The following SLC24A1 variants were observed in gnomAD, a reference collection of about 807,000 sequenced individuals.
SLC24A1 encodes the protein sodium/potassium/calcium exchanger 1.
SLC24A1 carries 52 observed loss-of-function variants against 88.1 expected under a neutral mutation model. That is an observed-to-expected ratio of 0.59 (90% CI 0.47 to 0.74). SLC24A1 has a LOEUF of 0.74. SLC24A1 is among the 30% of genes least tolerant of loss of function. SLC24A1 has a pLI of 0.00. For synonymous variants in SLC24A1, 455 were observed against 498.0 expected, an observed-to-expected ratio of 0.91 and a Z score of 1.15; for missense variants, 1,173 against 1,363.3, an observed-to-expected ratio of 0.86 and a Z score of 2.20.
chr15:65,614,723 T>C (rs920075233), intron 2 of SLC24A1, among the ~76,000 whole-genome samples: 7 of 152,204 alleles, frequency 4.6e-5, no homozygotes, highest in African/African-American at 1.7e-4. Flanking sequence ...GCCTCTGCTC[T>C]GAAAATAGGG....
At chr15:65,652,895 C>T in intron 9 of SLC24A1, 87 bp downstream of exon 9, 6 of 1,091,654 alleles carry the variant, frequency 5.5e-6, no homozygotes, top group South Asian at 1.9e-5. Flanking sequence ...CTGCTTTATT[C>T]ATTATACATA....
At chr15:65,639,531 GCC>G in intron 3 of SLC24A1, 62 bp from the exon 4 acceptor site, 1 of 977,604 alleles carries the variant, frequency 1.0e-6, no homozygotes, top group Non-Finnish European at 1.6e-6. Context: ...GGTTAGTGAT[GCC>G]CTCGTGTGGT....
chr15:65,655,121 G>A lies in SLC24A1; in HGVS notation c.*1042G>A, dbSNP rs1239394510. The A allele has an allele frequency of 1.0e-6, 1 of 998,940 alleles. No homozygotes were observed. Among genetic ancestry groups the A allele is most frequent in the East Asian group, 1.1e-4 (1 of 8,998 alleles). The allele number at this position is 998,940 out of a possible 1,614,324, so 61.9% of individuals were successfully genotyped here. A position where few individuals can be genotyped will look rare whatever the true frequency, so the allele number is the denominator to read the frequency against. The stretch of plus-strand genomic sequence containing the variant: ...TTGTCTCCATCAGTGGTCACCTTGA[G>A]GGATTAGACATTCTAATGGAATGTC... On this transcript the variant is annotated 3_prime_UTR_variant, in exon 10 of 10. Transcript: ENST00000261892.
At chr15:65,644,581 G>A in intron 5 of SLC24A1, 68 bp downstream of exon 5, 1 of 1,174,752 alleles carries the variant, frequency 8.5e-7, no homozygotes, top group South Asian at 1.3e-5. Context: ...AGTGAGCTTG[G>A]CCTGGAGGCA....
At chr15:65,634,493 G>A (rs1252501023) in intron 2 of SLC24A1, among the ~76,000 whole-genome samples, 3 of 152,178 alleles carry the variant, frequency 2.0e-5, no homozygotes, top group African/African-American at 7.2e-5. Context: ...AAAGAGCAGG[G>A]AGAATGTTGT....
At chr15:65,659,324 T>TG (rs2075779595), downstream of SLC24A1, 1 of 59,604 alleles carries the variant, frequency 1.7e-5, no homozygotes, top group East Asian at 3.0e-4. Flanking sequence ...ATTTTCTGGT[T>TG]TTTTTTTTTT....
Position 65,650,729 on chromosome 15 carries a change from AGAG to A in SLC24A1, c.2586_2588del (p.Glu868del), listed in dbSNP as rs765893492. ...GGGGAAGTGATGGAGGGGATAGCGA[AGAG>A]GAGGAAGAGGAGGAGGAAGAGCAGG... On this transcript the variant is annotated inframe_deletion, in exon 7 of 10. Coordinates refer to ENST00000261892, the MANE Select transcript of SLC24A1 (RefSeq NM_004727.3). The surrounding 1 kb of genome is among the most constrained non-coding windows in gnomAD (Gnocchi z 4.1). 17 of 1,579,692 alleles carry A rather than the reference AGAG, an allele frequency of 1.1e-5. No homozygotes were observed. The South Asian group carries it at 2.0e-4, about 18-fold the overall frequency.
chr15:65,624,523 G>C lies in SLC24A1; in HGVS notation c.443G>C (p.Ser148Thr), dbSNP rs759036111. 6.2e-7 allele frequency: 1 copy of C among 1,603,516 alleles called. No individual in the cohort carries two copies. The highest frequency in any genetic ancestry group is 1.1e-5 in the South Asian group (1 of 89,554). Residue 148 changes from serine to threonine, a missense_variant, in exon 2 of 10, where the codon AGT (serine) becomes ACT (threonine). Ser to Thr is a moderately conservative substitution (Grantham distance 58). Transcript: ENST00000261892. ...ERRKEDTPTS[S>T]RTLTYYTSTS... is the part of the protein sequence containing the mutation. Reference sequence around the variant, plus strand: ...AGGAAGGAAGACACCCCAACATCCAGTAGAACACTGACTTACTACACCTCA... The same window carrying C: ...AGGAAGGAAGACACCCCAACATCCACTAGAACACTGACTTACTACACCTCA...
upstream of SLC24A1, among the ~76,000 whole-genome samples, chr15:65,617,660 T>C: frequency 6.6e-6 from 1 of 152,210 alleles, no homozygotes; most frequent in East Asian, 1.9e-4. Context: ...TATACAATCA[T>C]GTCATCTGCA....
At chr15:65,652,917 C>A in intron 9 of SLC24A1, 109 bp downstream of exon 9, 1 of 857,096 alleles carries the variant, frequency 1.2e-6, no homozygotes, top group South Asian at 2.9e-5. Context: ...AATAAAAGGG[C>A]ATTTATATTG....
intron 2 of SLC24A1, among the ~76,000 whole-genome samples, chr15:65,614,805 TAGG>T (rs1399773561): frequency 3.3e-5 from 5 of 152,034 alleles, no homozygotes; most frequent in African/African-American, 1.2e-4. Context: ...GGAAAGAAGA[TAGG>T]AGGGGAGTAA....
At chr15:65,623,824 T>G (rs1290835038) in intron 1 of SLC24A1, 131 bp from the exon 2 acceptor site, 7 of 417,412 alleles carry the variant, frequency 1.7e-5, no homozygotes, top group Non-Finnish European at 2.9e-5. Flanking sequence ...AGTAGTTTAC[T>G]CTTGCAAAGA....
At position 65,625,236 on chromosome 15, in the gene SLC24A1, A is replaced by G. The variant is rs1486364948; in HGVS notation, c.1156A>G (p.Lys386Glu). Residue 386 changes from lysine (K) to glutamate (E), a missense_variant, in exon 2 of 10, where the codon AAG (lysine) becomes GAG (glutamate). By Grantham distance (56) the Lys-to-Glu change is moderately conservative. Coordinates refer to ENST00000261892, the MANE Select transcript of SLC24A1 (RefSeq NM_004727.3). The part of the protein sequence containing the change: ...STSTTPTVRA[K>E]LTMQVHHCVV... ...CTCAACAACCCCTACGGTCAGGGCA[A>G]AGCTGACCATGCAGGTCCATCACTG... 1 of 1,613,840 alleles carries G rather than the reference A, an allele frequency of 6.2e-7. No individual in the cohort carries two copies. Among genetic ancestry groups the G allele is most frequent in the African/African-American group, 1.3e-5 (1 of 74,904 alleles).
At chr15:65,646,728 A>G (rs963826007) in intron 6 of SLC24A1, among the ~76,000 whole-genome samples, 1 of 152,220 alleles carries the variant, frequency 6.6e-6, no homozygotes, top group Non-Finnish European at 1.5e-5. Context: ...ATGTTGAGTG[A>G]CTGACAGTAA....
intron 2 of SLC24A1, among the ~76,000 whole-genome samples, chr15:65,637,119 AG>A (rs996812900): frequency 6.6e-6 from 1 of 152,090 alleles, no homozygotes; most frequent in Non-Finnish European, 1.5e-5. Flanking sequence ...TTAAAAAAAA[AG>A]TTCAAATGAT....
At position 65,654,695 on chromosome 15, in the gene SLC24A1, T is replaced by C. The variant is rs1012688123; in HGVS notation, c.*616T>C. 2 of 1,270,498 alleles carry C rather than the reference T, an allele frequency of 1.6e-6. No individual in the cohort carries two copies. Among genetic ancestry groups the C allele is most frequent in the African/African-American group, 1.6e-5 (1 of 64,408 alleles). The allele number at this position is 1,270,498 out of a possible 1,614,324, so 78.7% of individuals were successfully genotyped here. A position where few individuals can be genotyped will look rare whatever the true frequency, so the allele number is the denominator to read the frequency against. ...TTGTAGCCCACTGCATCTGGATATA[T>C]ACCAGTATTTTCTTTTTTTTTTTTT... On this transcript the variant is annotated 3_prime_UTR_variant, in exon 10 of 10. Transcript: ENST00000261892.
chr15:65,645,707 G>A lies in SLC24A1; in HGVS notation c.2232+4G>A, dbSNP rs2141660173. 3 of 1,563,876 alleles carry A rather than the reference G, an allele frequency of 1.9e-6. No individual in the cohort carries two copies. Among genetic ancestry groups the A allele is most frequent in the Non-Finnish European group, 2.6e-6 (3 of 1,153,410 alleles). On this transcript the variant is annotated splice_donor_region_variant and intron_variant, in intron 6 of 9. Coordinates refer to ENST00000261892, the MANE Select transcript of SLC24A1 (RefSeq NM_004727.3). ...GAAGGAGAATCCAGGCGGTCAGGTA[G>A]GCACCCAGCCTTGGCACAGACAAAA...
chr15:65,632,796 A>G lies in SLC24A1; in HGVS notation c.1891-5332A>G, dbSNP rs1048378771. Among the ~76,000 whole-genome samples, 5 of 152,304 alleles carry G rather than the reference A, an allele frequency of 3.3e-5. No individual in the cohort carries two copies. In the East Asian group the frequency reaches 9.7e-4, roughly 29 times the overall value. On this transcript the variant is annotated intron_variant, in intron 2 of 9. Coordinates refer to ENST00000261892, the MANE Select transcript of SLC24A1 (RefSeq NM_004727.3). Reference sequence around the variant, plus strand: ...TAATCTAGGTTTTGTGGGGCCTGATACTCACTAAGAAAAAGAATATAAAAC... The same window carrying G: ...TAATCTAGGTTTTGTGGGGCCTGATGCTCACTAAGAAAAAGAATATAAAAC...
upstream of SLC24A1, among the ~76,000 whole-genome samples, chr15:65,621,232 G>T: frequency 6.6e-6 from 1 of 152,220 alleles, no homozygotes; most frequent in African/African-American, 2.4e-5. Flanking sequence ...ATGATTGAAA[G>T]GGCTTCCAGA....
Sources: allele counts gnomAD v4.1 joint callset (sites outside exome capture counted in the v4.1 genomes callset), GRCh38; gene constraint gnomAD v4.1.1; non-coding constraint Gnocchi (gnomAD v3.1); transcripts MANE v1.5; gene names NCBI Gene and HGNC (gene_info 2026-07-23, HGNC 2026-07-21).